Variants in SPAG16 observed in about 807,000 individuals in gnomAD.
SPAG16 encodes sperm-associated antigen 16 protein.
SPAG16 carries 86 observed loss-of-function variants against 80.4 expected under a neutral mutation model. The observed-to-expected ratio is 1.07, with a 90% CI of 0.90 to 1.28. The LOEUF (loss-of-function observed/expected upper bound fraction) is 1.28. SPAG16 is among the 50% of genes most tolerant of loss of function. The pLI is 0.00. For synonymous variants in SPAG16, 294 were observed against 265.9 expected (o/e 1.11, Z -1.03); for missense variants, 870 against 765.3 (o/e 1.14, Z -1.61).
At chr2:214,027,874 T>C (rs1271535649) in intron 13 of SPAG16, among the ~76,000 whole-genome samples, 2 of 151,954 alleles carry the variant, frequency 1.3e-5, no homozygotes, top group African/African-American at 4.8e-5. Flanking sequence ...TAGTTGAACA[T>C]TTTTTCTGTT....
chr2:214,299,243 C>CTTTTTTTTTT (rs33961996), intron 15 of SPAG16, among the ~76,000 whole-genome samples: 1 of 57,686 alleles, frequency 1.7e-5, no homozygotes, highest in African/African-American at 7.4e-5. Flanking sequence ...GTGTAGTATA[C>CTTTTTTTTTT]TTTTTTTTTT....
intron 11 of SPAG16, among the ~76,000 whole-genome samples, chr2:213,885,098 G>A (rs905117421): frequency 6.6e-6 from 1 of 152,084 alleles, no homozygotes; most frequent in Non-Finnish European, 1.5e-5. Flanking sequence ...GCTGATTTTT[G>A]TACCCTTAAC....
At chr2:213,963,922 A>G (rs1344376377) in intron 12 of SPAG16, among the ~76,000 whole-genome samples, 4 of 152,116 alleles carry the variant, frequency 2.6e-5, no homozygotes, top group Admixed American at 1.3e-4. Flanking sequence ...CTTTGAATCT[A>G]AAGTGTGTAT....
chr2:213,822,844 G>T (rs75988759), intron 10 of SPAG16, among the ~76,000 whole-genome samples: 1 of 152,154 alleles, frequency 6.6e-6, no homozygotes, highest in Admixed American at 6.5e-5. Flanking sequence ...TTCTGTTCCT[G>T]TGTTAGTTTG....
At chr2:213,582,479 T>C (rs926025283) in intron 10 of SPAG16, among the ~76,000 whole-genome samples, 1 of 152,142 alleles carries the variant, frequency 6.6e-6, no homozygotes, top group Admixed American at 6.6e-5. Flanking sequence ...AAAGAGATAG[T>C]TGAACTCTGT....
intron 13 of SPAG16, among the ~76,000 whole-genome samples, chr2:214,037,322 T>C (rs965125685): frequency 2.0e-5 from 3 of 152,094 alleles, no homozygotes; most frequent in Non-Finnish European, 4.4e-5. Context: ...AAAGTTATTT[T>C]TGATTATTTA....
intron 10 of SPAG16, among the ~76,000 whole-genome samples, chr2:213,852,833 A>G (rs772952704): frequency 3.9e-5 from 6 of 152,216 alleles, no homozygotes; most frequent in Non-Finnish European, 7.3e-5. Context: ...TCTGTATTGC[A>G]TGCTACATCA....
intron 5 of SPAG16, among the ~76,000 whole-genome samples, chr2:213,328,816 T>C (rs2063952311): frequency 6.6e-6 from 1 of 152,192 alleles, no homozygotes; most frequent in Non-Finnish European, 1.5e-5. Context: ...ACCTGTTGAT[T>C]GGTTTGGCTG....
chr2:213,317,187 G>T lies in SPAG16; in HGVS notation c.399-32G>T, dbSNP rs373574879. On this transcript the variant is annotated intron_variant, in intron 4 of 15. Coordinates refer to ENST00000331683, the MANE Select transcript of SPAG16 (RefSeq NM_024532.5). ...TTAAGCCAATTTGGCAGAAAGAAAT[G>T]ATATAAACCCTTTTGTTTGATTTTA... 129 of 1,409,084 alleles carry T rather than the reference G, an allele frequency of 9.2e-5. No individual in the cohort carries two copies. In the African/African-American group the frequency reaches 1.7e-3, roughly 19 times the overall value. 87.3% of individuals were successfully genotyped at this position (1,409,084 alleles called of 1,614,324 possible). A position where few individuals can be genotyped will look rare whatever the true frequency, so the allele number is the denominator to read the frequency against.
chr2:214,312,473 CCTGA>C (rs1695400648), intron 15 of SPAG16, among the ~76,000 whole-genome samples: 1 of 152,130 alleles, frequency 6.6e-6, no homozygotes, highest in Non-Finnish European at 1.5e-5. Flanking sequence ...TGTACATGGA[CCTGA>C]CTTTGAGCTG....
chr2:214,292,097 G>A (rs1467071172), intron 15 of SPAG16, among the ~76,000 whole-genome samples: 1 of 152,106 alleles, frequency 6.6e-6, no homozygotes, highest in African/African-American at 2.4e-5. Context: ...GGCCTAACAG[G>A]TTTCTGCTGA....
At chr2:214,328,878 G>A (rs1333948757) in intron 15 of SPAG16, among the ~76,000 whole-genome samples, 1 of 152,064 alleles carries the variant, frequency 6.6e-6, no homozygotes, top group Non-Finnish European at 1.5e-5. Context: ...AGGCACGGGG[G>A]AAGGCACTTT....
Position 213,520,091 on chromosome 2 carries a change from A to C in SPAG16, c.1070+30001A>C, listed in dbSNP as rs527456264. On this transcript the variant is annotated intron_variant, in intron 10 of 15. Transcript: ENST00000331683. ...GAGAGAGAGAGAGCAAGAGCAAGAG[A>C]GAGAGAGAGAGAGAGAGAATGCTAA... Among the ~76,000 whole-genome samples the C allele has an allele frequency of 8.0e-4, 118 of 148,316 alleles. 2 individuals are homozygous for C. The highest frequency in any genetic ancestry group is 3.5e-3 in the Middle Eastern group (1 of 284).
chr2:214,000,428 G>T (rs1299546445), intron 12 of SPAG16, among the ~76,000 whole-genome samples: 1 of 152,094 alleles, frequency 6.6e-6, no homozygotes, highest in Non-Finnish European at 1.5e-5. Context: ...TTTCTTCACA[G>T]TCTTGAGTAT....
intron 9 of SPAG16, among the ~76,000 whole-genome samples, chr2:213,443,376 C>T (rs1008454557): frequency 1.3e-5 from 2 of 152,100 alleles, no homozygotes. Context: ...TCTTTAGATT[C>T]TACATATAAG....
At chr2:213,420,043 T>C (rs996174167) in intron 9 of SPAG16, among the ~76,000 whole-genome samples, 1 of 152,244 alleles carries the variant, frequency 6.6e-6, no homozygotes, top group Non-Finnish European at 1.5e-5. Flanking sequence ...TATACCTTTA[T>C]TTTATCAAAC....
intron 12 of SPAG16, among the ~76,000 whole-genome samples, chr2:214,003,289 G>A (rs2046879301): frequency 6.6e-6 from 1 of 152,144 alleles, no homozygotes; most frequent in Admixed American, 6.6e-5. Flanking sequence ...CATTTCACCT[G>A]TAAGCAAATA....
At chr2:214,154,000 A>C (rs16851532) in intron 15 of SPAG16, among the ~76,000 whole-genome samples, 17,934 of 152,232 alleles carry the variant, frequency 0.12, 1,218 homozygotes, top group South Asian at 0.25. Flanking sequence ...TGAAGGGATA[A>C]GTGCTCCTTT....
chr2:213,730,054 T>G (rs1441899211), intron 10 of SPAG16, among the ~76,000 whole-genome samples: 2 of 152,236 alleles, frequency 1.3e-5, no homozygotes, highest in African/African-American at 2.4e-5. Flanking sequence ...CTGTTTCCAC[T>G]TATGGTTCCT....
Sources: allele counts gnomAD v4.1 joint callset (sites outside exome capture counted in the v4.1 genomes callset), GRCh38; gene constraint gnomAD v4.1.1; transcripts MANE v1.5; gene names NCBI Gene and HGNC (gene_info 2026-07-23, HGNC 2026-07-21).